WDR70: variants seen among roughly 807,000 people sequenced by gnomAD.
The protein encoded by WDR70 is WD repeat-containing protein 70.
A neutral mutation model predicts 88.6 loss-of-function variants in WDR70; 53 were observed. That is an observed-to-expected ratio of 0.60 (90% confidence interval 0.48 to 0.75). WDR70 has a LOEUF of 0.75. Ranked by LOEUF, WDR70 falls within the 30% of genes least tolerant of loss-of-function variation. The probability of loss-of-function intolerance (pLI) is 0.00; values close to 1 mark genes in which losing one functional copy is unlikely to be tolerated. For missense variants in WDR70, 610 were observed against 823.2 expected, an observed-to-expected ratio of 0.74 and a Z score of 3.17; for synonymous variants, 280 against 270.0, an observed-to-expected ratio of 1.04 and a Z score of -0.36.
At chr5:37,419,241 C>T (rs1581264122) in intron 5 of WDR70, among the ~76,000 whole-genome samples, 1 of 149,942 alleles carries the variant, frequency 6.7e-6, no homozygotes, top group African/African-American at 2.5e-5. Context: ...GAATCTCACT[C>T]TGTCTTCCAG....
At chr5:37,573,452 C>T (rs1276306314) in intron 9 of WDR70, among the ~76,000 whole-genome samples, 1 of 152,028 alleles carries the variant, frequency 6.6e-6, no homozygotes, top group African/African-American at 2.4e-5. Context: ...CATATGTATA[C>T]ATGTGCCATG....
rs142105327 is a variant in WDR70, at chr5:37,593,629, T to C, written c.918-11435T>C. The stretch of plus-strand genomic sequence containing the variant: ...AAACATATGTGTGCATGTGTCTTTA[T>C]AGTAGCAAGATTTATAATCCTTTGG... On this transcript the variant is annotated intron_variant, in intron 9 of 17. Transcript: ENST00000265107. 7.3e-3 allele frequency among the ~76,000 whole-genome samples: 1,116 copies of C among 152,344 alleles called. 16 individuals are homozygous for C. Among genetic ancestry groups the C allele is most frequent in the African/African-American group, 0.025 (1,048 of 41,580 alleles).
At chr5:37,457,650 C>A (rs545238545) in intron 7 of WDR70, among the ~76,000 whole-genome samples, 1 of 151,992 alleles carries the variant, frequency 6.6e-6, no homozygotes, top group Non-Finnish European at 1.5e-5. Flanking sequence ...GATGATGACA[C>A]GTTTTCTTGA....
chr5:37,565,858 G>C (rs1219369462), intron 9 of WDR70, among the ~76,000 whole-genome samples: 1 of 151,994 alleles, frequency 6.6e-6, no homozygotes, highest in African/African-American at 2.4e-5. Flanking sequence ...TAGAAGATTT[G>C]AATGTGTTCA....
intron 9 of WDR70, among the ~76,000 whole-genome samples, chr5:37,521,911 A>G (rs1368735440): frequency 6.6e-6 from 1 of 152,156 alleles, no homozygotes; most frequent in Non-Finnish European, 1.5e-5. Context: ...GCTGGATCAA[A>G]TGGTACATCT....
intron 9 of WDR70, among the ~76,000 whole-genome samples, chr5:37,586,347 G>C (rs1743364003): frequency 1.3e-5 from 2 of 152,246 alleles, no homozygotes; most frequent in South Asian, 4.2e-4. Flanking sequence ...ATTAAATCCT[G>C]TGAAGGCCTT....
chr5:37,383,891 CATT>C (rs770013466), intron 3 of WDR70, among the ~76,000 whole-genome samples: 63 of 152,088 alleles, frequency 4.1e-4, no homozygotes, highest in Non-Finnish European at 7.8e-4. Context: ...CAAAACCCTT[CATT>C]ATTATGTGAA....
At chr5:37,439,793 T>G (rs1283842202) in intron 6 of WDR70, among the ~76,000 whole-genome samples, 1 of 152,118 alleles carries the variant, frequency 6.6e-6, no homozygotes, top group East Asian at 1.9e-4. Flanking sequence ...CTATATACTT[T>G]ACATTTTAGT....
At chr5:37,616,478 C>CT (rs538192776) in intron 10 of WDR70, among the ~76,000 whole-genome samples, 72 of 152,236 alleles carry the variant, frequency 4.7e-4, no homozygotes, top group Middle Eastern at 3.4e-3. Context: ...GATTTACTGC[C>CT]TTGGTGCCTT....
At chr5:37,697,502 T>G (rs939006811) in intron 10 of WDR70, among the ~76,000 whole-genome samples, 153 bp from the exon 11 acceptor site, 2 of 152,222 alleles carry the variant, frequency 1.3e-5, no homozygotes, top group African/African-American at 4.8e-5. Context: ...GTTTTTCTTT[T>G]TTTTAGAAAG....
At chr5:37,644,025 A>G (rs1054989551) in intron 10 of WDR70, among the ~76,000 whole-genome samples, 3 of 152,070 alleles carry the variant, frequency 2.0e-5, no homozygotes, top group African/African-American at 7.2e-5. Context: ...ATTACATTGA[A>G]TAACAGTGGT....
chr5:37,707,779 T>TG (rs1747370606), intron 13 of WDR70, among the ~76,000 whole-genome samples: 2 of 150,982 alleles, frequency 1.3e-5, no homozygotes, highest in African/African-American at 4.9e-5. Context: ...CCAGGTGTGG[T>TG]GGTAGGAGTC....
intron 7 of WDR70, among the ~76,000 whole-genome samples, chr5:37,473,952 G>A (rs1016408330): frequency 3.3e-5 from 5 of 152,000 alleles, no homozygotes; most frequent in African/African-American, 1.2e-4. Context: ...TGTAATATAT[G>A]CATTTAACTC....
intron 10 of WDR70, among the ~76,000 whole-genome samples, chr5:37,675,292 A>G (rs1452044172): frequency 3.3e-5 from 5 of 152,162 alleles, no homozygotes; most frequent in African/African-American, 4.8e-5. Flanking sequence ...GGTGTTTTAG[A>G]CATGAAGTCC....
chr5:37,732,098 A>G (rs1006150229), intron 17 of WDR70, among the ~76,000 whole-genome samples: 2 of 152,142 alleles, frequency 1.3e-5, no homozygotes, highest in African/African-American at 4.8e-5. Flanking sequence ...ATCCAGTGGT[A>G]CTAAAGGTAG....
chr5:37,695,867 C>T (rs1444941178), intron 10 of WDR70, among the ~76,000 whole-genome samples: 7 of 152,130 alleles, frequency 4.6e-5, no homozygotes, highest in East Asian at 1.9e-4. Context: ...GATAAAAATT[C>T]GGCTTACCAC....
intron 5 of WDR70, among the ~76,000 whole-genome samples, chr5:37,427,244 C>T (rs1394077843): frequency 6.6e-6 from 1 of 152,058 alleles, no homozygotes; most frequent in Non-Finnish European, 1.5e-5. Flanking sequence ...AAAAAATTAG[C>T]TGGGCGTGGT....
At chr5:37,737,548 C>T (rs1055303564) in intron 17 of WDR70, among the ~76,000 whole-genome samples, 2 of 152,210 alleles carry the variant, frequency 1.3e-5, no homozygotes, top group Non-Finnish European at 2.9e-5. Flanking sequence ...GAGTTACCTT[C>T]ACTGAGGCTG....
At chr5:37,684,319 T>C (rs1033791372) in intron 10 of WDR70, among the ~76,000 whole-genome samples, 1 of 152,214 alleles carries the variant, frequency 6.6e-6, no homozygotes. Flanking sequence ...TCAGCCTGGT[T>C]CAGAATCCTT....
Sources: allele counts gnomAD v4.1 joint callset (sites outside exome capture counted in the v4.1 genomes callset), GRCh38; gene constraint gnomAD v4.1.1; transcripts MANE v1.5; gene names NCBI Gene and HGNC (gene_info 2026-07-23, HGNC 2026-07-21).